FLI1: variants seen among roughly 807,000 people sequenced by gnomAD.
The protein encoded by FLI1 is Fli-1 proto-oncogene, ETS transcription factor, also known as Friend leukemia integration 1 transcription factor.
FLI1 carries 13 observed loss-of-function variants against 53.1 expected under a neutral mutation model. That is an observed-to-expected ratio of 0.24 (90% CI 0.16 to 0.39). The LOEUF (loss-of-function observed/expected upper bound fraction) is 0.39, where lower values mean the gene tolerates loss of function less well. FLI1 is among the 10% of genes least tolerant of loss of function. The pLI is 1.00. For synonymous variants in FLI1, 244 were observed against 236.7 expected, an observed-to-expected ratio of 1.03 and a Z score of -0.28; for missense variants, 424 against 600.5, an observed-to-expected ratio of 0.71 and a Z score of 3.07.
intron 1 of FLI1, among the ~76,000 whole-genome samples, chr11:128,697,810 T>C (rs928028311): frequency 2.6e-5 from 4 of 152,172 alleles, no homozygotes; most frequent in African/African-American, 7.2e-5. Flanking sequence ...CTCTGCACTG[T>C]GTATTGAGGA....
upstream of FLI1, chr11:128,685,986 A>AC (rs1235997763): frequency 5.0e-6 from 1 of 200,758 alleles, no homozygotes; most frequent in African/African-American, 2.3e-5. Flanking sequence ...AAAAATGAGG[A>AC]CCTGACAGTC....
At chr11:128,689,208 C>T (rs1822887417), upstream of FLI1, among the ~76,000 whole-genome samples, 1 of 152,154 alleles carries the variant, frequency 6.6e-6, no homozygotes, top group Admixed American at 6.5e-5. Flanking sequence ...AACTTCCGCT[C>T]CTGATATTTT....
In FLI1 at chr11:128,755,093, T is replaced by C. The variant is rs535587316; in HGVS notation, c.19-3022T>C. Among the ~76,000 whole-genome samples, 3 of 152,324 alleles carry C rather than the reference T, an allele frequency of 2.0e-5. No homozygotes were observed. In the East Asian group the frequency reaches 5.8e-4, roughly 29 times the overall value. ...TGTGTATTCTCTTTGCTGTGAGTCTTGATTTTGCCGTCTGCATGTCCCCTT... is the reference window on the plus strand; with the variant it reads ...TGTGTATTCTCTTTGCTGTGAGTCTCGATTTTGCCGTCTGCATGTCCCCTT... On this transcript the variant is annotated intron_variant, in intron 1 of 8. Transcript: ENST00000527786.
At chr11:128,748,157 C>A in intron 1 of FLI1, 1 of 472,052 alleles carries the variant, frequency 2.1e-6, no homozygotes, top group South Asian at 9.1e-5. Flanking sequence ...TCTGTGCTCA[C>A]TTAGGCTATA....
At chr11:128,690,283 G>T (rs958179910), upstream of FLI1, among the ~76,000 whole-genome samples, 1 of 152,194 alleles carries the variant, frequency 6.6e-6, no homozygotes, top group Non-Finnish European at 1.5e-5. Context: ...TACCCGCTGC[G>T]GCCTCGCTGG....
In FLI1 at chr11:128,803,141, T is replaced by G. The variant is rs191086798; in HGVS notation, c.656-2225T>G. Among the ~76,000 whole-genome samples the G allele has an allele frequency of 3.1e-4, 47 of 152,306 alleles. 1 individual carries two copies. Among genetic ancestry groups the G allele is most frequent in the Non-Finnish European group, 1.0e-4 (7 of 68,034 alleles). ...ACATGTACGATTCCCTGGAATTTAG[T>G]GATTTTTTGTTTGAATGTGTTACTT... is the stretch of plus-strand genomic sequence containing the variant. On this transcript the variant is annotated intron_variant, in intron 5 of 8. Transcript: ENST00000527786.
chr11:128,788,222 C>T (rs1210237028), intron 5 of FLI1, among the ~76,000 whole-genome samples: 3 of 152,084 alleles, frequency 2.0e-5, no homozygotes, highest in African/African-American at 7.2e-5. Context: ...GTAATCCCTG[C>T]ACTTTGGGAG....
chr11:128,746,784 A>G (rs952183182), intron 1 of FLI1, among the ~76,000 whole-genome samples: 1 of 152,184 alleles, frequency 6.6e-6, no homozygotes, highest in Non-Finnish European at 1.5e-5. Flanking sequence ...ACCATTTATC[A>G]TCATCGGAAA....
At chr11:128,785,709 C>G (rs1942057348) in intron 5 of FLI1, among the ~76,000 whole-genome samples, 1 of 152,206 alleles carries the variant, frequency 6.6e-6, no homozygotes, top group Non-Finnish European at 1.5e-5. Flanking sequence ...TTAGTTCTGA[C>G]AGCACAGAGA....
chr11:128,754,592 A>G (rs1221981935), intron 1 of FLI1, among the ~76,000 whole-genome samples: 3 of 152,224 alleles, frequency 2.0e-5, no homozygotes, highest in African/African-American at 7.2e-5. Context: ...GGTGGGACAA[A>G]GATGACCTTT....
intron 1 of FLI1, among the ~76,000 whole-genome samples, chr11:128,754,659 A>G (rs997150248): frequency 5.9e-5 from 9 of 152,184 alleles, no homozygotes; most frequent in African/African-American, 2.2e-4. Flanking sequence ...GAGCTCTCTG[A>G]GGTTTTTGAG....
chr11:128,770,138 T>C (rs554075326), intron 3 of FLI1, among the ~76,000 whole-genome samples: 1 of 152,352 alleles, frequency 6.6e-6, no homozygotes, highest in South Asian at 2.1e-4. Context: ...CAGACTGCTA[T>C]GTCGACCCTC....
intron 1 of FLI1, among the ~76,000 whole-genome samples, chr11:128,708,603 G>A (rs1024155794): frequency 6.6e-6 from 1 of 152,096 alleles, no homozygotes; most frequent in African/African-American, 2.4e-5. Context: ...AAGGATTAAG[G>A]CTTCTTGATG....
In FLI1 at chr11:128,751,845, T is replaced by G. The variant is rs183613061; in HGVS notation, c.19-6270T>G. On this transcript the variant is annotated intron_variant, in intron 1 of 8. Coordinates refer to ENST00000527786, the MANE Select transcript of FLI1 (RefSeq NM_002017.5). ...TTTTGGGTTTGTTTTTTTTTTTTTG[T>G]AGAGAAAGAGTTATGCCACGTTACC... 7.6e-3 allele frequency among the ~76,000 whole-genome samples: 1,128 copies of G among 148,654 alleles called. 20 individuals are homozygous for G. Among genetic ancestry groups the G allele is most frequent in the African/African-American group, 0.027 (1,075 of 40,158 alleles).
intron 1 of FLI1, among the ~76,000 whole-genome samples, chr11:128,711,248 T>C (rs1565460616): frequency 6.6e-6 from 1 of 152,218 alleles, no homozygotes; most frequent in Non-Finnish European, 1.5e-5. Flanking sequence ...TCATTCAAGT[T>C]AAAAACATCA....
intron 1 of FLI1, among the ~76,000 whole-genome samples, chr11:128,721,870 A>G (rs1290371846): frequency 6.6e-6 from 1 of 152,212 alleles, no homozygotes; most frequent in African/African-American, 2.4e-5. Flanking sequence ...TCCCAAGCCC[A>G]GTGACTCAGG....
At chr11:128,777,123 C>A (rs1941752643) in intron 4 of FLI1, among the ~76,000 whole-genome samples, 1 of 152,108 alleles carries the variant, frequency 6.6e-6, no homozygotes, top group Non-Finnish European at 1.5e-5. Context: ...GCAGCTGCTG[C>A]GGGAACGAGA....
At chr11:128,757,754 A>G (rs1459430255) in intron 1 of FLI1, among the ~76,000 whole-genome samples, 3 of 152,142 alleles carry the variant, frequency 2.0e-5, no homozygotes, top group African/African-American at 7.2e-5. Flanking sequence ...GCCTGGAAAA[A>G]TCTAGCATTC....
intron 1 of FLI1, among the ~76,000 whole-genome samples, chr11:128,743,360 A>T (rs1940221714): frequency 6.6e-6 from 1 of 151,282 alleles, no homozygotes; most frequent in African/African-American, 2.4e-5. Context: ...AGCCGTGATC[A>T]TGCCACTGCA....
Sources: allele counts gnomAD v4.1 joint callset (sites outside exome capture counted in the v4.1 genomes callset), GRCh38; gene constraint gnomAD v4.1.1; transcripts MANE v1.5; gene names NCBI Gene and HGNC (gene_info 2026-07-23, HGNC 2026-07-21).